The following SPECC1 variants were observed in gnomAD, a reference collection of about 807,000 sequenced individuals.
SPECC1 encodes cytospin-B.
A neutral mutation model predicts 104.1 loss-of-function variants in SPECC1; 62 were observed. The observed-to-expected ratio is 0.60, with a 90% CI of 0.49 to 0.74. SPECC1 has a LOEUF of 0.74. Ranked by LOEUF, SPECC1 falls within the 30% of genes least tolerant of loss-of-function variation. The pLI is 0.00. For missense variants in SPECC1, 1,306 were observed against 1,310.5 expected, an observed-to-expected ratio of 1.00 and a Z score of 0.05; for synonymous variants, 513 against 501.6, an observed-to-expected ratio of 1.02 and a Z score of -0.30.
intron 1 of SPECC1, among the ~76,000 whole-genome samples, chr17:20,039,274 T>C (rs1420915529): frequency 7.9e-5 from 12 of 152,218 alleles, no homozygotes; most frequent in Admixed American, 7.2e-4. Context: ...ATCCTGTTGT[T>C]CAGTGGTGTT....
chr17:20,205,051 T>G lies in SPECC1; in HGVS notation c.1002T>G (p.Ile334Met). The change falls in exon 4 of 15, where the codon ATT becomes ATG. Residue 334 changes from isoleucine (I) to methionine (M), a missense_variant. Coordinates refer to ENST00000395527, the MANE Select transcript of SPECC1 (RefSeq NM_001243439.2). ...LSPDASDFEH[I>M]TAETPSRPLS... ...CAGATGCTTCCGACTTTGAGCACAT[T>G]ACAGCAGAGACACCCTCAAGGCCCC... The G allele has an allele frequency of 1.2e-6, 2 of 1,614,178 alleles. No homozygotes were observed. Among genetic ancestry groups the G allele is most frequent in the Non-Finnish European group, 1.7e-6 (2 of 1,180,016 alleles).
intron 3 of SPECC1, among the ~76,000 whole-genome samples, chr17:20,132,974 C>T (rs756633033): frequency 1.3e-5 from 2 of 152,160 alleles, no homozygotes; most frequent in African/African-American, 2.4e-5. Flanking sequence ...CTCCTGACCT[C>T]GTGATCCTGC....
intron 5 of SPECC1, among the ~76,000 whole-genome samples, chr17:20,231,185 C>T (rs1039307237): frequency 1.3e-5 from 2 of 152,174 alleles, no homozygotes; most frequent in Non-Finnish European, 2.9e-5. Context: ...GCACACATCC[C>T]CGGGTTCTGT....
intron 3 of SPECC1, among the ~76,000 whole-genome samples, chr17:20,125,467 C>A (rs533679880): frequency 6.6e-6 from 1 of 152,312 alleles, no homozygotes; most frequent in South Asian, 2.1e-4. Flanking sequence ...GCATGTAATT[C>A]AGGGGCAATG....
chr17:20,205,545 A>T lies in SPECC1; in HGVS notation c.1496A>T (p.Glu499Val). 6.2e-7 allele frequency: 1 copy of T among 1,614,156 alleles called. No individual in the cohort carries two copies. The highest frequency in any genetic ancestry group is 1.1e-5 in the South Asian group (1 of 91,066). ...TTGACCTGTAGCTTGCGGAAGGTTG[A>T]GGAAGAAAACCAAGGAGCTTTAGAA... is the stretch of plus-strand genomic sequence containing the variant. Reference protein sequence around the residue: ...QQLTCSLRKVEEENQGALEMI... With the variant: ...QQLTCSLRKVVEENQGALEMI... Residue 499 changes from glutamate (E) to valine (V), a missense_variant, in exon 4 of 15, where the codon GAG becomes GTG. Glu to Val is a moderately radical substitution (Grantham distance 121). This residue lies in a region of SPECC1 where 1,177 missense variants were observed against 1,139.9 expected (regional missense o/e 1.03). Coordinates refer to ENST00000395527, the MANE Select transcript of SPECC1 (RefSeq NM_001243439.2).
intron 2 of SPECC1, among the ~76,000 whole-genome samples, chr17:20,105,738 A>G (rs2048168870): frequency 6.6e-6 from 1 of 152,070 alleles, no homozygotes; most frequent in Non-Finnish European, 1.5e-5. Flanking sequence ...CAAAGGCAAA[A>G]CTCCCACTGC....
intron 3 of SPECC1, among the ~76,000 whole-genome samples, chr17:20,158,563 C>T (rs2032823638): frequency 6.6e-6 from 1 of 152,290 alleles, no homozygotes; most frequent in South Asian, 2.1e-4. Context: ...AAAGCCCACC[C>T]ATTAGAGGGG....
chr17:20,071,991 A>C (rs182616547), intron 1 of SPECC1, among the ~76,000 whole-genome samples: 64 of 152,250 alleles, frequency 4.2e-4, no homozygotes, highest in African/African-American at 1.4e-3. Flanking sequence ...CCTTTTGGAA[A>C]CTGCTTTTCC....
At chr17:20,183,918 C>A (rs1238213828) in intron 3 of SPECC1, among the ~76,000 whole-genome samples, 1 of 151,748 alleles carries the variant, frequency 6.6e-6, no homozygotes, top group African/African-American at 2.4e-5. Context: ...CGCTTATAAT[C>A]CTAGTACTTT....
chr17:20,243,434 G>C (rs1052678336), intron 7 of SPECC1, among the ~76,000 whole-genome samples: 4 of 152,144 alleles, frequency 2.6e-5, no homozygotes, highest in Non-Finnish European at 4.4e-5. Context: ...AAATAGGCTG[G>C]TGTAAGGATT....
chr17:20,117,299 A>G (rs1187066044), intron 3 of SPECC1, among the ~76,000 whole-genome samples: 1 of 152,208 alleles, frequency 6.6e-6, no homozygotes, highest in African/African-American at 2.4e-5. Context: ...ACAAAGAGAA[A>G]GCATCAGAGA....
At chr17:20,135,409 A>T (rs944464995) in intron 3 of SPECC1, among the ~76,000 whole-genome samples, 1 of 152,152 alleles carries the variant, frequency 6.6e-6, no homozygotes, top group Admixed American at 6.5e-5. Flanking sequence ...TGTGAAAATT[A>T]GTTTTGGAAC....
intron 3 of SPECC1, among the ~76,000 whole-genome samples, chr17:20,111,624 A>G (rs2048494726): frequency 6.6e-6 from 1 of 152,202 alleles, no homozygotes; most frequent in South Asian, 2.1e-4. Flanking sequence ...GCCTAGGGGC[A>G]GGGTGGGAAT....
chr17:20,189,849 A>G (rs1487917570), intron 3 of SPECC1, among the ~76,000 whole-genome samples: 2 of 152,200 alleles, frequency 1.3e-5, no homozygotes, highest in African/African-American at 4.8e-5. Context: ...AAAAAGTAAA[A>G]TGGAGATGAG....
intron 4 of SPECC1, among the ~76,000 whole-genome samples, chr17:20,218,155 T>C (rs2037626743): frequency 6.6e-6 from 1 of 152,248 alleles, no homozygotes; most frequent in African/African-American, 2.4e-5. Context: ...TGTATTATAT[T>C]ACTACCTAGT....
intron 10 of SPECC1, among the ~76,000 whole-genome samples, chr17:20,254,134 C>CGTCTGTGT (rs1021600483): frequency 5.2e-5 from 7 of 135,898 alleles, no homozygotes; most frequent in African/African-American, 2.1e-4. Flanking sequence ...GTTGTTACAC[C>CGTCTGTGT]GTGTGTGTGT....
chr17:20,112,312 A>C, intron 3 of SPECC1: 1 of 758,754 alleles, frequency 1.3e-6, no homozygotes, highest in South Asian at 1.4e-5. Context: ...GATGGCATTA[A>C]TTTATTGGAT....
At chr17:20,241,908 A>G (rs1377878200) in intron 7 of SPECC1, among the ~76,000 whole-genome samples, 8 of 152,246 alleles carry the variant, frequency 5.3e-5, no homozygotes, top group African/African-American at 1.7e-4. Context: ...AGGGCATAAA[A>G]GTAAAAAACT....
chr17:20,059,710 T>C (rs1030153199), intron 1 of SPECC1, among the ~76,000 whole-genome samples: 1 of 152,026 alleles, frequency 6.6e-6, no homozygotes, highest in African/African-American at 2.4e-5. Context: ...TATAGAAAAT[T>C]TAAAAAATTA....
Sources: gnomAD v4.1 joint callset for allele counts (sites outside exome capture counted in the v4.1 genomes callset) on GRCh38, gnomAD v4.1.1 for gene constraint, gnomAD v4.1.1 regional missense constraint, MANE v1.5 for transcripts, NCBI Gene and HGNC (gene_info 2026-07-23, HGNC 2026-07-21) for gene names.